DAB1: variants seen among roughly 807,000 people sequenced by gnomAD.
DAB1 encodes disabled homolog 1.
DAB1 carries 15 observed loss-of-function variants against 64.6 expected under a neutral mutation model. That is an observed-to-expected ratio of 0.23 (90% confidence interval 0.16 to 0.36). The LOEUF (loss-of-function observed/expected upper bound fraction) is 0.36. DAB1 is among the 10% of genes least tolerant of loss of function. The pLI, the probability that DAB1 is intolerant of heterozygous loss-of-function variation, is 1.00. For synonymous variants in DAB1, 235 were observed against 251.9 expected, an observed-to-expected ratio of 0.93 and a Z score of 0.64; for missense variants, 596 against 706.7, an observed-to-expected ratio of 0.84 and a Z score of 1.78.
chr1:58,074,475 TC>T (rs1649468748), intron 5 of DAB1: 1 of 145,634 alleles, frequency 6.9e-6, no homozygotes, highest in Non-Finnish European at 1.5e-5. Context: ...AAAAGAATTA[TC>T]TCTGAAGTGG....
At chr1:57,801,850 G>A (rs1477313251) in intron 6 of DAB1, among the ~76,000 whole-genome samples, 2 of 152,088 alleles carry the variant, frequency 1.3e-5, no homozygotes, top group Non-Finnish European at 2.9e-5. Context: ...TACAGATGGA[G>A]TTTCACCATG....
chr1:57,116,386 C>A (rs1317020179), intron 4 of DAB1, among the ~76,000 whole-genome samples: 1 of 138,086 alleles, frequency 7.2e-6, no homozygotes, highest in Non-Finnish European at 1.5e-5. Context: ...CACTTGAACC[C>A]GGGAGGTGGA....
intron 3 of DAB1, among the ~76,000 whole-genome samples, chr1:58,390,018 G>A (rs1644463423): frequency 6.6e-6 from 1 of 152,066 alleles, no homozygotes; most frequent in African/African-American, 2.4e-5. Flanking sequence ...TCCTCTCCAT[G>A]GTAGCCATTT....
At chr1:57,284,975 C>A (rs1672198384) in intron 2 of DAB1, among the ~76,000 whole-genome samples, 1 of 152,208 alleles carries the variant, frequency 6.6e-6, no homozygotes, top group Non-Finnish European at 1.5e-5. Flanking sequence ...ACTTCTGAAT[C>A]CCATTAAAGC....
At chr1:57,697,052 G>A (rs755668578) in intron 6 of DAB1, among the ~76,000 whole-genome samples, 10 of 152,138 alleles carry the variant, frequency 6.6e-5, no homozygotes, top group Non-Finnish European at 1.3e-4. Context: ...CAGAGCTAAT[G>A]TCAATCAACT....
intron 1 of DAB1, among the ~76,000 whole-genome samples, chr1:57,364,734 C>G (rs935036233): frequency 4.6e-5 from 7 of 151,486 alleles, no homozygotes; most frequent in African/African-American, 7.3e-5. Flanking sequence ...ATCAAGAAAT[C>G]TTGAAAATAC....
chr1:57,338,115 G>C (rs1347479297), intron 1 of DAB1, among the ~76,000 whole-genome samples: 1 of 152,038 alleles, frequency 6.6e-6, no homozygotes, highest in African/African-American at 2.4e-5. Context: ...CTCCAGAGTA[G>C]CTGGGACTAT....
At chr1:58,172,240 T>C (rs959866026) in intron 4 of DAB1, among the ~76,000 whole-genome samples, 1 of 152,194 alleles carries the variant, frequency 6.6e-6, no homozygotes. Flanking sequence ...AGAGCAGGGA[T>C]AGCTCTTGGA....
chr1:57,583,286 TTTTC>T (rs1389494397), intron 7 of DAB1, among the ~76,000 whole-genome samples: 5 of 144,888 alleles, frequency 3.5e-5, no homozygotes, highest in South Asian at 2.2e-4. Context: ...GTTTTTTTTC[TTTTC>T]TTTTTTTTTT....
chr1:57,432,543 A>G (rs534912940), intron 7 of DAB1, among the ~76,000 whole-genome samples: 1 of 152,324 alleles, frequency 6.6e-6, no homozygotes, highest in East Asian at 1.9e-4. Context: ...ACAGAAACCC[A>G]TTCCATGAAA....
In DAB1 at chr1:57,223,593, C is replaced by T. The variant is rs561657512; in HGVS notation, c.67+67371G>A. 7.6e-4 allele frequency among the ~76,000 whole-genome samples: 116 copies of T among 152,262 alleles called. 1 individual carries two copies. Among genetic ancestry groups the T allele is most frequent in the African/African-American group, 2.6e-3 (106 of 41,534 alleles). On this transcript the variant is annotated intron_variant, in intron 2 of 14. Transcript: ENST00000371236. ...TTTTTAACTGAGTGGATGGAAGCCA[C>T]GCCCAAACAAGGATATGATCCCTGG...
intron 3 of DAB1, among the ~76,000 whole-genome samples, chr1:58,373,951 G>C (rs1362854157): frequency 1.4e-5 from 2 of 148,028 alleles, no homozygotes; most frequent in African/African-American, 2.5e-5. Context: ...ATTTTTTCAT[G>C]TGTTTCTTGG....
intron 6 of DAB1, among the ~76,000 whole-genome samples, chr1:57,742,214 G>A (rs1487574319): frequency 6.6e-6 from 1 of 152,110 alleles, no homozygotes; most frequent in Non-Finnish European, 1.5e-5. Flanking sequence ...GAAAGGCCTT[G>A]GAGATGTGTC....
In DAB1 at chr1:57,987,802, T is replaced by C. The variant is rs184487861; in HGVS notation, n.388-103640A>G. ...AGTTGGGGGAGGGAATGGAGAGTGCTGTGAAGTGTCCCCTCCAAAGTGAGA... is the reference window on the plus strand; with the variant it reads ...AGTTGGGGGAGGGAATGGAGAGTGCCGTGAAGTGTCCCCTCCAAAGTGAGA... On this transcript the variant is annotated intron_variant and non_coding_transcript_variant, in intron 5 of 20. Coordinates refer to the DAB1 transcript ENST00000485760. Among the ~76,000 whole-genome samples the C allele has an allele frequency of 2.0e-4, 31 of 152,050 alleles. No homozygotes were observed. The East Asian group carries it at 6.0e-3, about 29-fold the overall frequency.
At chr1:57,207,803 G>A (rs1665709561) in intron 2 of DAB1, among the ~76,000 whole-genome samples, 1 of 152,150 alleles carries the variant, frequency 6.6e-6, no homozygotes, top group South Asian at 2.1e-4. Flanking sequence ...CTTCCAGCAA[G>A]GTGTCAAGTC....
At chr1:57,362,754 T>A (rs536506011) in intron 1 of DAB1, among the ~76,000 whole-genome samples, 145 of 152,214 alleles carry the variant, frequency 9.5e-4, no homozygotes, top group African/African-American at 3.3e-3. Context: ...AGCTACTCAG[T>A]TTATGGCATT....
intron 4 of DAB1, among the ~76,000 whole-genome samples, chr1:58,152,418 G>A (rs1423551779): frequency 6.6e-6 from 1 of 152,222 alleles, no homozygotes; most frequent in East Asian, 1.9e-4. Flanking sequence ...AAAGGAAGGG[G>A]TAAAGGGAAG....
At chr1:57,374,211 C>T (rs1309701231) in intron 1 of DAB1, among the ~76,000 whole-genome samples, 1 of 151,978 alleles carries the variant, frequency 6.6e-6, no homozygotes, top group Admixed American at 6.6e-5. Flanking sequence ...AGTGATGAGG[C>T]TAAATATTTT....
intron 4 of DAB1, among the ~76,000 whole-genome samples, chr1:58,307,912 G>A (rs542348799): frequency 6.6e-6 from 1 of 152,208 alleles, no homozygotes; most frequent in East Asian, 1.9e-4. Context: ...CATGAAGAAA[G>A]GAGGATGGAT....
Sources: allele counts gnomAD v4.1 joint callset (sites outside exome capture counted in the v4.1 genomes callset), GRCh38; gene constraint gnomAD v4.1.1; transcripts MANE v1.5; gene names NCBI Gene and HGNC (gene_info 2026-07-23, HGNC 2026-07-21).